ANXA4: variants seen among roughly 807,000 people sequenced by gnomAD.
ANXA4 encodes annexin A4.
A neutral mutation model predicts 49.8 loss-of-function variants in ANXA4; 39 were observed. The observed-to-expected ratio is 0.78, with a 90% CI of 0.61 to 1.02. The LOEUF (loss-of-function observed/expected upper bound fraction) is 1.02, where lower values mean the gene tolerates loss of function less well. ANXA4 is among the 50% of genes least tolerant of loss of function. The pLI is 0.00. For synonymous variants in ANXA4, 134 were observed against 152.5 expected (o/e 0.88, Z 0.89); for missense variants, 360 against 410.1 (o/e 0.88, Z 1.05).
At chr2:69,678,290 A>G (rs1677476524) in intron 2 of ANXA4, among the ~76,000 whole-genome samples, 1 of 150,780 alleles carries the variant, frequency 6.6e-6, no homozygotes, top group Non-Finnish European at 1.5e-5. Flanking sequence ...TAGAATTACT[A>G]TGTAAAGATT....
intron 2 of ANXA4, among the ~76,000 whole-genome samples, chr2:69,684,604 C>G (rs1325812851): frequency 6.7e-6 from 1 of 149,158 alleles, no homozygotes; most frequent in East Asian, 2.0e-4. Context: ...GGGAGGATTA[C>G]TTGAAACCAG....
At chr2:69,774,360 C>CA (rs1671879245) in intron 1 of ANXA4, among the ~76,000 whole-genome samples, 2 of 86,626 alleles carry the variant, frequency 2.3e-5, no homozygotes, top group Non-Finnish European at 4.0e-5. Flanking sequence ...TTTTTTGAGA[C>CA]AGAGTTTCGC....
intron 1 of ANXA4, among the ~76,000 whole-genome samples, chr2:69,776,988 A>G (rs1427713802): frequency 1.3e-5 from 2 of 152,200 alleles, no homozygotes; most frequent in Non-Finnish European, 2.9e-5. Flanking sequence ...GTTGACTTTC[A>G]TCATTTGCTA....
chr2:69,772,416 A>G (rs1306771646), intron 1 of ANXA4, among the ~76,000 whole-genome samples: 1 of 152,126 alleles, frequency 6.6e-6, no homozygotes, highest in Non-Finnish European at 1.5e-5. Flanking sequence ...CAGGTGGAAA[A>G]TGAGGTGGGA....
chr2:69,732,139 G>A (rs983717622), intron 3 of ANXA4, among the ~76,000 whole-genome samples: 6 of 151,492 alleles, frequency 4.0e-5, no homozygotes, highest in African/African-American at 9.7e-5. Context: ...CACCACGCCC[G>A]GCTAATTTTT....
At chr2:69,742,393 T>TA (rs1003739042) in intron 1 of ANXA4, among the ~76,000 whole-genome samples, 1 of 152,068 alleles carries the variant, frequency 6.6e-6, no homozygotes, top group African/African-American at 2.4e-5. Context: ...GCGCGGTGCT[T>TA]AACCGCTGGC....
At chr2:69,805,104 G>A (rs1382826735) in intron 4 of ANXA4, among the ~76,000 whole-genome samples, 28 of 134,726 alleles carry the variant, frequency 2.1e-4, no homozygotes, top group African/African-American at 7.7e-4. Flanking sequence ...TTCGTCAATT[G>A]ATCTTAAACA....
intron 3 of ANXA4, among the ~76,000 whole-genome samples, chr2:69,724,323 G>A (rs1669901433): frequency 6.6e-6 from 1 of 152,192 alleles, no homozygotes; most frequent in African/African-American, 2.4e-5. Context: ...CGTGCAGGTT[G>A]TCTACTGTAC....
intron 8 of ANXA4, 139 bp from the exon 9 acceptor site, chr2:69,815,962 A>G: frequency 1.5e-6 from 1 of 657,888 alleles, no homozygotes; most frequent in African/African-American, 1.8e-5. Context: ...AGTCATTTCC[A>G]CTCACCACTA....
chr2:69,647,947 A>T (rs1207537054), intron 1 of ANXA4, among the ~76,000 whole-genome samples: 2 of 152,184 alleles, frequency 1.3e-5, no homozygotes, highest in Non-Finnish European at 1.5e-5. Flanking sequence ...TATTATTCCC[A>T]ATTTTATAGA....
At chr2:69,671,828 C>A (rs1677203915) in intron 2 of ANXA4, among the ~76,000 whole-genome samples, 1 of 152,190 alleles carries the variant, frequency 6.6e-6, no homozygotes, top group Admixed American at 6.5e-5. Flanking sequence ...CTTGGTAAGG[C>A]ATGCTATCAC....
intron 2 of ANXA4, among the ~76,000 whole-genome samples, chr2:69,667,809 AC>A (rs951070372): frequency 2.6e-5 from 4 of 152,212 alleles, no homozygotes; most frequent in Non-Finnish European, 5.9e-5. Flanking sequence ...TTGCTGCTGC[AC>A]CCGGAATCAG....
At chr2:69,706,269 A>G (rs1158734694) in intron 2 of ANXA4, among the ~76,000 whole-genome samples, 1 of 112,828 alleles carries the variant, frequency 8.9e-6, no homozygotes, top group Non-Finnish European at 1.9e-5. Flanking sequence ...ATCTGTTAAT[A>G]TAGTAGCACA....
chr2:69,740,855 G>GT (rs10718417), upstream of ANXA4, among the ~76,000 whole-genome samples: 13,224 of 98,294 alleles, frequency 0.13, 1,142 homozygotes, highest in Non-Finnish European at 0.17. Context: ...CTATATATAT[G>GT]TTTTTTTTTT....
chr2:69,810,684 G>C lies in ANXA4; in HGVS notation c.477+11G>C. 6.2e-7 allele frequency: 1 copy of C among 1,610,296 alleles called. No individual in the cohort carries two copies. The highest frequency in any genetic ancestry group is 1.1e-5 in the South Asian group (1 of 90,976). ...GTGTCTCTGTCAGCTGTGAGTGACT[G>C]CTTCTGATGGGGGGCGGGTTTTATC... On this transcript the variant is annotated intron_variant, in intron 7 of 12. Transcript: ENST00000394295.
chr2:69,739,741 G>C (rs1180680285), upstream of ANXA4, among the ~76,000 whole-genome samples: 1 of 152,114 alleles, frequency 6.6e-6, no homozygotes, highest in Non-Finnish European at 1.5e-5. Flanking sequence ...TAATTTAAAG[G>C]CTCCTTGGAG....
chr2:69,792,735 T>A (rs181250213), intron 3 of ANXA4, among the ~76,000 whole-genome samples: 1 of 152,218 alleles, frequency 6.6e-6, no homozygotes, highest in Non-Finnish European at 1.5e-5. Context: ...TTACACACTT[T>A]CCATGTAATT....
chr2:69,731,166 C>T (rs181229217), intron 3 of ANXA4, among the ~76,000 whole-genome samples: 4 of 152,326 alleles, frequency 2.6e-5, no homozygotes, highest in East Asian at 1.9e-4. Flanking sequence ...ATGTTTGAGA[C>T]TTATTTCCTG....
At chr2:69,745,206 C>A (rs73935689) in intron 1 of ANXA4, among the ~76,000 whole-genome samples, 7,277 of 152,204 alleles carry the variant, frequency 0.048, 519 homozygotes, top group African/African-American at 0.15. Context: ...AATAAACTCG[C>A]TCTTTGAGGT....
Sources: allele counts gnomAD v4.1 joint callset (sites outside exome capture counted in the v4.1 genomes callset), GRCh38; gene constraint gnomAD v4.1.1; transcripts MANE v1.5; gene names NCBI Gene and HGNC (gene_info 2026-07-23, HGNC 2026-07-21).